Variants in CEP128 observed in about 807,000 individuals in gnomAD.
CEP128 encodes centrosomal protein 128.
CEP128 carries 132 observed loss-of-function variants against 156.7 expected under a neutral mutation model. The ratio of observed to expected loss-of-function variants is 0.84; its 90% CI spans 0.73 to 0.97. The LOEUF (loss-of-function observed/expected upper bound fraction) is 0.97. Ranked by LOEUF, CEP128 falls within the 50% of genes least tolerant of loss-of-function variation. The probability of loss-of-function intolerance (pLI) is 0.00; values close to 1 mark genes in which losing one functional copy is unlikely to be tolerated. For synonymous variants in CEP128, 469 were observed against 448.9 expected, an observed-to-expected ratio of 1.04 and a Z score of -0.57; for missense variants, 1,252 against 1,281.9, an observed-to-expected ratio of 0.98 and a Z score of 0.36.
intron 23 of CEP128, among the ~76,000 whole-genome samples, chr14:80,520,962 A>G (rs1375159764): frequency 6.7e-6 from 1 of 148,288 alleles, no homozygotes; most frequent in East Asian, 2.0e-4. Context: ...AGCTAGGATT[A>G]CAGGCACCCG....
rs530603007 is a variant in CEP128, at chr14:80,803,863, T to C, written c.1210-10753A>G. On this transcript the variant is annotated intron_variant, in intron 13 of 24. Transcript: ENST00000555265. Reference sequence around the variant, plus strand: ...AATTTATTCCTTTTTCCCAGTTTTATGATATCTGAGAAAACCTCTTCTAAA... The same window carrying C: ...AATTTATTCCTTTTTCCCAGTTTTACGATATCTGAGAAAACCTCTTCTAAA... Among the ~76,000 whole-genome samples, 6 of 152,288 alleles carry C rather than the reference T, an allele frequency of 3.9e-5. No individual in the cohort carries two copies. The South Asian group carries it at 1.2e-3, about 32-fold the overall frequency.
rs868737359 is a variant in CEP128 at position 80,822,747 on chromosome 14, C to T, written c.1209+8396G>A. The stretch of plus-strand genomic sequence containing the variant: ...AATAGCCCTGTAGAAAATGGAGATG[C>T]CAAAACAGACCAGGCACATAAAACT... On this transcript the variant is annotated intron_variant, in intron 13 of 24. Coordinates refer to ENST00000555265, the MANE Select transcript of CEP128 (RefSeq NM_152446.5). 42 of 797,694 alleles carry T rather than the reference C, an allele frequency of 5.3e-5. No individual in the cohort carries two copies. The South Asian group carries it at 5.6e-4, about 11-fold the overall frequency. 49.4% of individuals were successfully genotyped at this position (797,694 alleles called of 1,614,324 possible). A position where few individuals can be genotyped will look rare whatever the true frequency, so the allele number is the denominator to read the frequency against.
At chr14:80,686,392 C>G (rs576277737) in intron 19 of CEP128, among the ~76,000 whole-genome samples, 3 of 152,044 alleles carry the variant, frequency 2.0e-5, no homozygotes. Flanking sequence ...GAATTTGTCA[C>G]CACTGGCCTG....
At chr14:80,710,789 T>A (rs1049760720) in intron 19 of CEP128, among the ~76,000 whole-genome samples, 18 of 152,118 alleles carry the variant, frequency 1.2e-4, no homozygotes, top group African/African-American at 4.3e-4. Context: ...AACGTGATTT[T>A]GAATAACAAG....
intron 19 of CEP128, among the ~76,000 whole-genome samples, chr14:80,672,066 G>A (rs1277453285): frequency 6.6e-6 from 1 of 151,934 alleles, no homozygotes; most frequent in African/African-American, 2.4e-5. Context: ...TGAAGACTGG[G>A]GCCTGCCAAT....
rs372349816 is a variant in CEP128, at chr14:80,573,531, T to C, written c.2856+6843A>G. ...AATACTTCTTTCGTAGGGTATTCTA[T>C]TTTCAAGTTTTATACTGTCATAAAT... On this transcript the variant is annotated intron_variant, in intron 20 of 24. Coordinates refer to ENST00000555265, the MANE Select transcript of CEP128 (RefSeq NM_152446.5). Among the ~76,000 whole-genome samples, 8 of 152,346 alleles carry C rather than the reference T, an allele frequency of 5.3e-5. No homozygotes were observed. The East Asian group carries it at 1.3e-3, about 26-fold the overall frequency.
intron 19 of CEP128, among the ~76,000 whole-genome samples, chr14:80,594,510 G>C (rs1892227975): frequency 6.6e-6 from 1 of 152,010 alleles, no homozygotes; most frequent in East Asian, 1.9e-4. Context: ...ACAGCAAAAG[G>C]AACTATCATC....
chr14:80,692,576 A>G (rs1374355935), intron 19 of CEP128, among the ~76,000 whole-genome samples: 1 of 152,190 alleles, frequency 6.6e-6, no homozygotes, highest in Admixed American at 6.5e-5. Flanking sequence ...GTCCTCCATT[A>G]TATCTCCTTA....
At chr14:80,505,484 A>G (rs1468455431) in intron 23 of CEP128, among the ~76,000 whole-genome samples, 1 of 152,182 alleles carries the variant, frequency 6.6e-6, no homozygotes, top group African/African-American at 2.4e-5. Context: ...AACCTTTTCC[A>G]TATTTAGGAC....
intron 19 of CEP128, among the ~76,000 whole-genome samples, chr14:80,629,517 T>A (rs561883156): frequency 6.0e-4 from 86 of 142,162 alleles, no homozygotes; most frequent in African/African-American, 1.5e-3. Context: ...AGTAATATAT[T>A]TTTTTTTTCT....
At chr14:80,565,576 T>C (rs1274349919) in intron 20 of CEP128, among the ~76,000 whole-genome samples, 5 of 152,196 alleles carry the variant, frequency 3.3e-5, no homozygotes, top group African/African-American at 7.2e-5. Flanking sequence ...TGGATACAGT[T>C]TGTAACTAGC....
chr14:80,581,092 CAGCCATG>C (rs1891572895), intron 19 of CEP128, among the ~76,000 whole-genome samples: 1 of 152,180 alleles, frequency 6.6e-6, no homozygotes, highest in South Asian at 2.1e-4. Flanking sequence ...TGCATGTATA[CAGCCATG>C]GTGTCTCAGT....
In CEP128 at chr14:80,930,467, C is replaced by T. The variant is rs570370431; in HGVS notation, c.-16+8918G>A. The stretch of plus-strand genomic sequence containing the variant: ...GTAAAAAACAAATGTCACTGGAGAG[C>T]TTCTTTGAAAAGGGGGAAAGATCCA... On this transcript the variant is annotated intron_variant, in intron 2 of 24. Transcript: ENST00000555265. 4.6e-5 allele frequency among the ~76,000 whole-genome samples: 7 copies of T among 152,218 alleles called. No individual in the cohort carries two copies. The East Asian group carries it at 1.4e-3, about 29-fold the overall frequency.
chr14:80,936,914 T>C (rs1885837410), intron 2 of CEP128, among the ~76,000 whole-genome samples: 1 of 151,500 alleles, frequency 6.6e-6, no homozygotes, highest in African/African-American at 2.4e-5. Flanking sequence ...GTATTAACTA[T>C]AAAAACTACA....
chr14:80,723,439 A>G (rs1897900531), intron 19 of CEP128, among the ~76,000 whole-genome samples: 1 of 152,228 alleles, frequency 6.6e-6, no homozygotes, highest in African/African-American at 2.4e-5. Context: ...TAATCAATGC[A>G]TAAATCTAGG....
chr14:80,485,204 C>T (rs976491907), intron 14 of CEP128, among the ~76,000 whole-genome samples: 6 of 152,090 alleles, frequency 3.9e-5, no homozygotes, highest in Non-Finnish European at 4.4e-5. Context: ...TACATACACA[C>T]AAGATCCTTG....
At chr14:80,891,778 T>TTCGCTGAC (rs1889113817) in intron 8 of CEP128, among the ~76,000 whole-genome samples, 2 of 152,028 alleles carry the variant, frequency 1.3e-5, no homozygotes, top group Non-Finnish European at 2.9e-5. Flanking sequence ...ATATATTGCA[T>TTCGCTGAC]GCCTGAATAA....
Position 80,845,853 on chromosome 14 carries a change from G to T in CEP128, c.763-5085C>A, listed in dbSNP as rs76320774. 1.8e-3 allele frequency among the ~76,000 whole-genome samples: 277 copies of T among 152,226 alleles called. 2 individuals are homozygous for T. Among genetic ancestry groups the T allele is most frequent in the African/African-American group, 6.3e-3 (261 of 41,552 alleles). Reference sequence around the variant, plus strand: ...TATTAATTGATAATGATGGAAATGGGCTTTATAAACAGATGGCCTAGCATA... The same window carrying T: ...TATTAATTGATAATGATGGAAATGGTCTTTATAAACAGATGGCCTAGCATA... On this transcript the variant is annotated intron_variant, in intron 9 of 24. Coordinates refer to ENST00000555265, the MANE Select transcript of CEP128 (RefSeq NM_152446.5).
rs1381567723 is a variant in CEP128 at position 80,793,854 on chromosome 14, G to T, written c.1210-744C>A. 2.0e-5 allele frequency among the ~76,000 whole-genome samples: 3 copies of T among 152,200 alleles called. No individual in the cohort carries two copies. The East Asian group carries it at 5.8e-4, about 29-fold the overall frequency. On this transcript the variant is annotated intron_variant, in intron 13 of 24. Transcript: ENST00000555265. ...TGATTAATACATATTTTAAGAATAA[G>T]TAAATATCTATTTTAAGTTTAAACA...
Sources: allele counts gnomAD v4.1 joint callset (sites outside exome capture counted in the v4.1 genomes callset), GRCh38; gene constraint gnomAD v4.1.1; transcripts MANE v1.5; gene names NCBI Gene and HGNC (gene_info 2026-07-23, HGNC 2026-07-21).